Variants in CALCRL observed in about 807,000 individuals in gnomAD.
CALCRL encodes calcitonin gene-related peptide type 1 receptor.
A neutral mutation model predicts 60.4 loss-of-function variants in CALCRL; 27 were observed. That is an observed-to-expected ratio of 0.45 (90% CI 0.33 to 0.62). The LOEUF is 0.62. Ranked by LOEUF, CALCRL falls within the 20% of genes least tolerant of loss-of-function variation. CALCRL has a pLI of 0.03. For synonymous variants in CALCRL, 190 were observed against 182.6 expected (o/e 1.04, Z -0.33); for missense variants, 424 against 540.7 (o/e 0.78, Z 2.14).
intron 8 of CALCRL, among the ~76,000 whole-genome samples, chr2:187,364,923 T>C (rs1278233787): frequency 1.3e-5 from 2 of 152,152 alleles, no homozygotes; most frequent in African/African-American, 2.4e-5. Flanking sequence ...TCCATCAAAA[T>C]AGAAACAACT....
intron 5 of CALCRL, 45 bp downstream of exon 5, chr2:187,383,128 T>C (rs1430401335): frequency 8.8e-6 from 14 of 1,588,224 alleles, no homozygotes; most frequent in Non-Finnish European, 1.2e-5. Context: ...TAGTTTTCTT[T>C]TAAAAATATG....
intron 1 of CALCRL, among the ~76,000 whole-genome samples, chr2:187,395,521 T>TA (rs1688616459): frequency 6.6e-6 from 1 of 152,080 alleles, no homozygotes; most frequent in African/African-American, 2.4e-5. Flanking sequence ...TCTAGCACTT[T>TA]AAAAAATGCG....
chr2:187,420,829 A>G (rs1180930521), intron 1 of CALCRL, among the ~76,000 whole-genome samples: 1 of 152,214 alleles, frequency 6.6e-6, no homozygotes, highest in Admixed American at 6.5e-5. Context: ...TTTACTTTCA[A>G]ATAGATTTAA....
At chr2:187,429,185 T>C (rs1374812016) in intron 1 of CALCRL, among the ~76,000 whole-genome samples, 1 of 152,110 alleles carries the variant, frequency 6.6e-6, no homozygotes, top group African/African-American at 2.4e-5. Flanking sequence ...TTATATTTTT[T>C]TTATTTCCCA....
At chr2:187,375,389 A>C (rs1209779877) in intron 8 of CALCRL, among the ~76,000 whole-genome samples, 1 of 152,128 alleles carries the variant, frequency 6.6e-6, no homozygotes, top group Non-Finnish European at 1.5e-5. Context: ...TATATAGAAT[A>C]AACAGGTAAT....
rs1686321406 is a variant in CALCRL at position 187,347,253 on chromosome 2, A to G, written c.1171-854T>C. 2.0e-5 allele frequency among the ~76,000 whole-genome samples: 3 copies of G among 151,838 alleles called. No individual in the cohort carries two copies. In the South Asian group the frequency reaches 6.2e-4, roughly 31 times the overall value. On this transcript the variant is annotated intron_variant, in intron 14 of 14. Coordinates refer to ENST00000392370, the MANE Select transcript of CALCRL (RefSeq NM_005795.6). ...ATTTAAATACATCTCTAGCTCAAGT[A>G]CGTTGAGGACTTTTCCATGTCTGAT...
chr2:187,419,874 GC>G (rs1689795036), intron 1 of CALCRL, among the ~76,000 whole-genome samples: 1 of 152,132 alleles, frequency 6.6e-6, no homozygotes, highest in Non-Finnish European at 1.5e-5. Flanking sequence ...AGCATATTAT[GC>G]CATTATAAAT....
chr2:187,442,952 A>G (rs530346532), intron 1 of CALCRL, among the ~76,000 whole-genome samples: 41 of 152,030 alleles, frequency 2.7e-4, no homozygotes, highest in African/African-American at 9.1e-4. Flanking sequence ...TATGTAGGAT[A>G]AAACCAGAGT....
chr2:187,380,823 CCTT>C (rs768771382), intron 5 of CALCRL, 36 bp from the exon 6 acceptor site: 157 of 1,498,062 alleles, frequency 1.0e-4, no homozygotes, highest in Non-Finnish European at 1.4e-4. Context: ...ATAATTAAAT[CCTT>C]CTACTTATAC....
intron 1 of CALCRL, among the ~76,000 whole-genome samples, chr2:187,399,034 G>A (rs1688772100): frequency 6.6e-6 from 1 of 151,516 alleles, no homozygotes; most frequent in African/African-American, 2.4e-5. Context: ...GGAATAAGAA[G>A]GCTCCATTTT....
intron 1 of CALCRL, among the ~76,000 whole-genome samples, chr2:187,419,235 G>A (rs1210053478): frequency 1.3e-5 from 2 of 151,712 alleles, no homozygotes; most frequent in African/African-American, 4.8e-5. Flanking sequence ...CCCTCAATCT[G>A]GTTATATTTG....
intron 1 of CALCRL, among the ~76,000 whole-genome samples, chr2:187,417,562 C>T (rs1397234284): frequency 1.3e-5 from 2 of 152,014 alleles, no homozygotes; most frequent in Non-Finnish European, 2.9e-5. Flanking sequence ...ACAATTTTAA[C>T]ATGCCTTTGA....
chr2:187,365,358 C>T (rs550566244), intron 8 of CALCRL, among the ~76,000 whole-genome samples: 1 of 152,226 alleles, frequency 6.6e-6, no homozygotes, highest in African/African-American at 2.4e-5. Context: ...AAAATGCCTG[C>T]TTTGAGCTTA....
At chr2:187,348,099 A>G (rs1046162605) in intron 14 of CALCRL, among the ~76,000 whole-genome samples, 11 of 151,746 alleles carry the variant, frequency 7.2e-5, no homozygotes, top group Non-Finnish European at 1.2e-4. Flanking sequence ...TTATCTTGCA[A>G]AAATTAAACT....
intron 1 of CALCRL, chr2:187,436,736 T>A (rs988135192): frequency 6.6e-6 from 1 of 152,188 alleles, no homozygotes; most frequent in Non-Finnish European, 1.5e-5. Flanking sequence ...CCAAAGCATC[T>A]CAATTTATGT....
chr2:187,364,581 A>G (rs889375960), intron 8 of CALCRL, among the ~76,000 whole-genome samples: 18 of 152,126 alleles, frequency 1.2e-4, no homozygotes, highest in African/African-American at 3.6e-4. Context: ...ACCTAATTTT[A>G]TCACTAAATC....
intron 1 of CALCRL, among the ~76,000 whole-genome samples, chr2:187,446,540 A>G (rs928614045): frequency 6.6e-6 from 1 of 151,770 alleles, no homozygotes; most frequent in Non-Finnish European, 1.5e-5. Context: ...TATGATCATA[A>G]TATAATACCT....
At chr2:187,355,859 GACAA>G (rs1419873559) in intron 12 of CALCRL, among the ~76,000 whole-genome samples, 78 of 152,060 alleles carry the variant, frequency 5.1e-4, no homozygotes, top group African/African-American at 1.8e-3. Flanking sequence ...AACAATAATA[GACAA>G]ACAGAGAGCT....
In CALCRL at chr2:187,345,160, T is replaced by C. The variant is rs1686225741; in HGVS notation, c.*1024A>G. On this transcript the variant is annotated 3_prime_UTR_variant, in exon 15 of 15. Transcript: ENST00000392370. The stretch of plus-strand genomic sequence containing the variant: ...TCAGCCCAGATACAGTATCAGATAT[T>C]AACATACACACATTGTTGCATTATA... 1 of 152,210 alleles carries C rather than the reference T, an allele frequency of 6.6e-6. No homozygotes were observed. Among genetic ancestry groups the C allele is most frequent in the Admixed American group, 6.6e-5 (1 of 15,178 alleles). The allele number at this position is 152,210 out of a possible 1,614,324, so 9.4% of individuals were successfully genotyped here. A position where few individuals can be genotyped will look rare whatever the true frequency, so the allele number is the denominator to read the frequency against.
Sources: gnomAD v4.1 joint callset for allele counts (sites outside exome capture counted in the v4.1 genomes callset) on GRCh38, gnomAD v4.1.1 for gene constraint, MANE v1.5 for transcripts, NCBI Gene and HGNC (gene_info 2026-07-23, HGNC 2026-07-21) for gene names.